The following RABGAP1L variants were observed in gnomAD, a reference collection of about 807,000 sequenced individuals.
The protein encoded by RABGAP1L is rab GTPase-activating protein 1-like.
RABGAP1L carries 63 observed loss-of-function variants against 137.7 expected under a neutral mutation model. The ratio of observed to expected loss-of-function variants is 0.46; its 90% CI spans 0.37 to 0.56. The LOEUF is 0.56. Ranked by LOEUF, RABGAP1L falls within the 20% of genes least tolerant of loss-of-function variation. The pLI is 0.00. For missense variants in RABGAP1L, 1,095 were observed against 1,244.0 expected, an observed-to-expected ratio of 0.88 and a Z score of 1.80; for synonymous variants, 431 against 433.7, an observed-to-expected ratio of 0.99 and a Z score of 0.08.
At chr1:174,972,127 G>A (rs1338472954) in intron 21 of RABGAP1L, among the ~76,000 whole-genome samples, 5 of 152,138 alleles carry the variant, frequency 3.3e-5, no homozygotes, top group Admixed American at 2.6e-4. Context: ...TTCAGTTTCT[G>A]TTTGCTATCT....
intron 17 of RABGAP1L, among the ~76,000 whole-genome samples, chr1:174,752,061 A>G (rs1276129009): frequency 6.6e-6 from 1 of 152,244 alleles, no homozygotes; most frequent in Non-Finnish European, 1.5e-5. Flanking sequence ...CAAATAATCC[A>G]GAAATTGACT....
At chr1:174,866,701 T>C (rs913685) in intron 19 of RABGAP1L, among the ~76,000 whole-genome samples, 76,335 of 151,838 alleles carry the variant, frequency 0.5, 21,712 homozygotes, top group African/African-American at 0.79. Flanking sequence ...GGCTTGAGTT[T>C]GTGAGTTCGA....
rs75638646 is a variant in RABGAP1L at position 174,300,396 on chromosome 1, A to G, written c.1324-4590A>G. On this transcript the variant is annotated intron_variant, in intron 10 of 25. Transcript: ENST00000681986. ...CAAAATTAGCAGGTTGTGGTGGCGC[A>G]TGCCTGTAATCCCAGCTACTTGGGA... Among the ~76,000 whole-genome samples the G allele has an allele frequency of 5.8e-3, 876 of 152,116 alleles. 8 individuals are homozygous for G. The highest frequency in any genetic ancestry group is 0.02 in the African/African-American group (836 of 41,502).
intron 18 of RABGAP1L, among the ~76,000 whole-genome samples, chr1:174,807,946 C>CA (rs1356199470): frequency 2.1e-5 from 1 of 48,230 alleles, no homozygotes; most frequent in East Asian, 9.9e-4. Context: ...AAAAACAAAA[C>CA]AAAACAACAA....
intron 14 of RABGAP1L, among the ~76,000 whole-genome samples, chr1:174,641,107 T>G (rs1221926437): frequency 1.3e-5 from 2 of 151,752 alleles, no homozygotes; most frequent in African/African-American, 4.8e-5. Context: ...ACACTGGAGA[T>G]ATAATATGCT....
intron 7 of RABGAP1L, among the ~76,000 whole-genome samples, chr1:174,255,159 A>G (rs1673016275): frequency 6.6e-6 from 1 of 152,116 alleles, no homozygotes. Flanking sequence ...TCTTATAATT[A>G]TAGTTGTCAC....
chr1:174,417,879 G>C (rs1650791781), intron 13 of RABGAP1L, among the ~76,000 whole-genome samples: 2 of 152,278 alleles, frequency 1.3e-5, no homozygotes, highest in Non-Finnish European at 2.9e-5. Context: ...ATAGAAACGG[G>C]AGTTACTAAT....
At chr1:174,367,214 A>G (rs1366394617) in intron 11 of RABGAP1L, 5 of 152,648 alleles carry the variant, frequency 3.3e-5, no homozygotes, top group Non-Finnish European at 4.4e-5. Context: ...TTCCAACACT[A>G]TTTATGTCAA....
intron 14 of RABGAP1L, among the ~76,000 whole-genome samples, chr1:174,645,186 C>T (rs938338040): frequency 6.6e-6 from 1 of 151,888 alleles, no homozygotes; most frequent in Non-Finnish European, 1.5e-5. Flanking sequence ...CACAAATATA[C>T]ACAATAAAAT....
intron 14 of RABGAP1L, among the ~76,000 whole-genome samples, chr1:174,637,826 C>A (rs1674187341): frequency 6.6e-6 from 1 of 152,198 alleles, no homozygotes; most frequent in Admixed American, 6.5e-5. Context: ...GCAATTGTCT[C>A]CATTTTTCTG....
At chr1:174,335,164 C>A (rs1251606724) in intron 11 of RABGAP1L, among the ~76,000 whole-genome samples, 1 of 152,110 alleles carries the variant, frequency 6.6e-6, no homozygotes, top group Non-Finnish European at 1.5e-5. Context: ...CATACATTTT[C>A]AATACACTTT....
chr1:174,180,102 A>G (rs1041253057), intron 1 of RABGAP1L, among the ~76,000 whole-genome samples: 2 of 152,226 alleles, frequency 1.3e-5, no homozygotes, highest in South Asian at 2.1e-4. Context: ...GGATACCTTT[A>G]TATCAGTTGC....
At position 174,790,879 on chromosome 1, in the gene RABGAP1L, G is replaced by A. The variant is rs530100482; in HGVS notation, c.2212-20953G>A. Among the ~76,000 whole-genome samples, 10 of 151,680 alleles carry A rather than the reference G, an allele frequency of 6.6e-5. No homozygotes were observed. In the East Asian group the frequency reaches 1.7e-3, roughly 27 times the overall value. On this transcript the variant is annotated intron_variant, in intron 18 of 25. Transcript: ENST00000681986. Reference sequence around the variant, plus strand: ...ATTACCACCTTTGTTTCACAACATGGACTTGTCCATTTCAAGAAAAAAAAA... The same window carrying A: ...ATTACCACCTTTGTTTCACAACATGAACTTGTCCATTTCAAGAAAAAAAAA...
intron 13 of RABGAP1L, among the ~76,000 whole-genome samples, chr1:174,438,744 G>GTGTATATATATATATATATA (rs1161311071): frequency 7.3e-5 from 7 of 95,452 alleles, no homozygotes; most frequent in African/African-American, 2.4e-4. Flanking sequence ...GTGTGTGTGT[G>GTGTATATATATATATATATA]TATATATATA....
intron 19 of RABGAP1L, among the ~76,000 whole-genome samples, chr1:174,859,535 A>G (rs1485618338): frequency 1.3e-5 from 2 of 151,802 alleles, no homozygotes; most frequent in African/African-American, 4.8e-5. Flanking sequence ...TACAGCCATA[A>G]AAAAGAATGA....
chr1:174,511,613 TTTTC>T (rs1662347667), intron 13 of RABGAP1L, among the ~76,000 whole-genome samples: 2 of 151,896 alleles, frequency 1.3e-5, no homozygotes, highest in African/African-American at 4.8e-5. Context: ...TGGGCTTTTC[TTTTC>T]TTTCTTTTGT....
At chr1:174,379,242 T>C (rs1186538670) in intron 12 of RABGAP1L, among the ~76,000 whole-genome samples, 1 of 149,722 alleles carries the variant, frequency 6.7e-6, no homozygotes, top group Non-Finnish European at 1.5e-5. Context: ...CTTTGTTCTT[T>C]TGGCTTAGGA....
At chr1:174,589,331 C>A (rs997730355) in intron 13 of RABGAP1L, among the ~76,000 whole-genome samples, 1 of 151,802 alleles carries the variant, frequency 6.6e-6, no homozygotes, top group Admixed American at 6.6e-5. Context: ...TGTTGGAGCT[C>A]CTTATATATT....
intron 13 of RABGAP1L, among the ~76,000 whole-genome samples, chr1:174,456,278 AGTC>A (rs558204523): frequency 6.0e-4 from 91 of 152,250 alleles, no homozygotes; most frequent in Non-Finnish European, 1.1e-3. Context: ...AAAACACAGC[AGTC>A]ATCTACTGAA....
Sources: allele counts gnomAD v4.1 joint callset (sites outside exome capture counted in the v4.1 genomes callset), GRCh38; gene constraint gnomAD v4.1.1; transcripts MANE v1.5; gene names NCBI Gene and HGNC (gene_info 2026-07-23, HGNC 2026-07-21).